The following CTTNBP2 variants were observed in gnomAD, a reference collection of about 807,000 sequenced individuals.
The protein encoded by CTTNBP2 is cortactin-binding protein 2.
CTTNBP2 carries 108 observed loss-of-function variants against 156.9 expected under a neutral mutation model. The observed-to-expected ratio is 0.69, with a 90% CI of 0.59 to 0.81. The LOEUF (loss-of-function observed/expected upper bound fraction) is 0.81. Among genes scored for constraint, CTTNBP2 ranks in the 30% least tolerant of loss-of-function variants. The pLI, the probability that CTTNBP2 is intolerant of heterozygous loss-of-function variation, is 0.00. For synonymous variants in CTTNBP2, 767 were observed against 751.8 expected (o/e 1.02, Z -0.33); for missense variants, 1,924 against 2,035.4 (o/e 0.95, Z 1.05).
chr7:117,766,495 C>T (rs1440890464), intron 9 of CTTNBP2, among the ~76,000 whole-genome samples: 1 of 152,110 alleles, frequency 6.6e-6, no homozygotes, highest in East Asian at 1.9e-4. Flanking sequence ...ATACAGCTGG[C>T]TGACTGGATG....
intron 2 of CTTNBP2, among the ~76,000 whole-genome samples, chr7:117,838,400 A>T (rs1006158385): frequency 6.6e-6 from 1 of 152,160 alleles, no homozygotes; most frequent in Non-Finnish European, 1.5e-5. Flanking sequence ...TGCTAATATC[A>T]TCAAGGAGTC....
At chr7:117,833,907 C>G (rs1801771256) in intron 2 of CTTNBP2, among the ~76,000 whole-genome samples, 2 of 152,032 alleles carry the variant, frequency 1.3e-5, no homozygotes, top group South Asian at 4.1e-4. Flanking sequence ...AATTTCTCAG[C>G]TGAAAGAAAA....
At chr7:117,856,086 G>C (rs901698762) in intron 2 of CTTNBP2, among the ~76,000 whole-genome samples, 1 of 152,148 alleles carries the variant, frequency 6.6e-6, no homozygotes, top group Non-Finnish European at 1.5e-5. Context: ...GGTTGTTAAT[G>C]TTGCCCCAAG....
At chr7:117,780,143 A>T (rs1298113976) in intron 7 of CTTNBP2, among the ~76,000 whole-genome samples, 1 of 152,178 alleles carries the variant, frequency 6.6e-6, no homozygotes, top group African/African-American at 2.4e-5. Context: ...TTGAATGAAT[A>T]AAAAATTATA....
In CTTNBP2 at chr7:117,757,936, C is replaced by G; in HGVS notation, c.3207G>C (p.Ala1069=). 1 of 1,613,372 alleles carries G rather than the reference C, an allele frequency of 6.2e-7. No individual in the cohort carries two copies. The highest frequency in any genetic ancestry group is 8.5e-7 in the Non-Finnish European group (1 of 1,179,684). ...TCCTCATAAAGTCCCACGGGGACTG[C>G]GCGAAGCTCTGACCCACTGACCACG... ...NVPWSVGQSF[A]QSPWDFMRKN... Residue 1069 remains alanine (A), a synonymous_variant, in exon 11 of 23, where the codon GCG becomes GCC. Transcript: ENST00000160373.
At chr7:117,759,315 T>C (rs571100719) in intron 10 of CTTNBP2, among the ~76,000 whole-genome samples, 4 of 152,212 alleles carry the variant, frequency 2.6e-5, no homozygotes, top group African/African-American at 9.6e-5. Flanking sequence ...TCTCAGTATG[T>C]TGCCCATGCT....
At chr7:117,741,300 T>C (rs578177927) in intron 14 of CTTNBP2, among the ~76,000 whole-genome samples, 3 of 152,288 alleles carry the variant, frequency 2.0e-5, no homozygotes, top group African/African-American at 7.2e-5. Context: ...CAGGAAGTGA[T>C]TATGCTCACC....
Position 117,719,624 on chromosome 7 carries a change from A to G in CTTNBP2, c.4524T>C (p.Asn1508=). 3.1e-6 allele frequency: 5 copies of G among 1,613,252 alleles called. No individual in the cohort carries two copies. Among genetic ancestry groups the G allele is most frequent in the Non-Finnish European group, 4.2e-6 (5 of 1,179,678 alleles). The part of the protein sequence containing the change: ...ASLSKQKSLE[N]DLSLTLNLDQ... ...CCAAATTCAACGTCAGTGATAGATC[A>G]TTCTCTAAAGACCTAACACAAAGTT... The change falls in exon 21 of 23, where the codon AAT becomes AAC. Residue 1508 remains asparagine, a synonymous_variant. Coordinates refer to ENST00000160373, the MANE Select transcript of CTTNBP2 (RefSeq NM_033427.3).
At chr7:117,806,256 C>T (rs757405498) in intron 3 of CTTNBP2, among the ~76,000 whole-genome samples, 1 of 152,028 alleles carries the variant, frequency 6.6e-6, no homozygotes, top group Non-Finnish European at 1.5e-5. Context: ...TGAAGAGGCA[C>T]CAAACACATG....
Position 117,711,789 on chromosome 7 carries a change from G to A in CTTNBP2, c.4747-7C>T, listed in dbSNP as rs1794070613. On this transcript the variant is annotated splice_polypyrimidine_tract_variant and splice_region_variant and intron_variant, in intron 22 of 22. Transcript: ENST00000160373. ...TGCTGAGAGGACTGACCTCCTGTAA[G>A]AGACAAGAAACCACACAAGTTTATC... 4 of 1,604,318 alleles carry A rather than the reference G, an allele frequency of 2.5e-6. No individual in the cohort carries two copies. Among genetic ancestry groups the A allele is most frequent in the Non-Finnish European group, 3.4e-6 (4 of 1,174,326 alleles).
At chr7:117,800,631 T>C (rs1350230270) in intron 3 of CTTNBP2, among the ~76,000 whole-genome samples, 2 of 151,962 alleles carry the variant, frequency 1.3e-5, no homozygotes, top group East Asian at 1.9e-4. Flanking sequence ...AATGAGTAAA[T>C]ATACTGAAGT....
chr7:117,744,853 T>C (rs1044507330), intron 14 of CTTNBP2, among the ~76,000 whole-genome samples: 1 of 152,218 alleles, frequency 6.6e-6, no homozygotes, highest in African/African-American at 2.4e-5. Flanking sequence ...GCTGAGATCA[T>C]GCCACTGTTC....
At chr7:117,724,365 TCTC>T (rs1212097570) in intron 19 of CTTNBP2, among the ~76,000 whole-genome samples, 179 bp downstream of exon 19, 7 of 152,300 alleles carry the variant, frequency 4.6e-5, no homozygotes, top group African/African-American at 7.2e-5. Flanking sequence ...CAGGTAGAGA[TCTC>T]CTGTATATTT....
chr7:117,787,714 A>T (rs1050555013), intron 4 of CTTNBP2, among the ~76,000 whole-genome samples: 4 of 152,356 alleles, frequency 2.6e-5, no homozygotes, highest in Admixed American at 2.6e-4. Flanking sequence ...TTATTAAAAA[A>T]TTTAACATTT....
Position 117,739,997 on chromosome 7 carries a change from A to G in CTTNBP2, c.3536-4576T>C, listed in dbSNP as rs899887446. Among the ~76,000 whole-genome samples, 5 of 152,246 alleles carry G rather than the reference A, an allele frequency of 3.3e-5. No individual in the cohort carries two copies. The East Asian group carries it at 9.6e-4, about 29-fold the overall frequency. On this transcript the variant is annotated intron_variant, in intron 14 of 22. Transcript: ENST00000160373. The stretch of plus-strand genomic sequence containing the variant: ...CTGTTTTACTGTTTACAGTCACTGT[A>G]ATTTTAAAAAGTATCATCTTGCTAA...
In CTTNBP2 at chr7:117,715,963, CTGCCAACAGTAAGTACCACTT is replaced by C. The variant is rs1794331849; in HGVS notation, c.4746+2034_4746+2054del. 2.0e-5 allele frequency: 3 copies of C among 152,242 alleles called. No homozygotes were observed. In the South Asian group the frequency reaches 6.2e-4, roughly 32 times the overall value. The allele number at this position is 152,242 out of a possible 1,614,324, so 9.4% of individuals were successfully genotyped here. On this transcript the variant is annotated intron_variant, in intron 22 of 22. Coordinates refer to ENST00000160373, the MANE Select transcript of CTTNBP2 (RefSeq NM_033427.3). ...ATCAGCCAGTCAAGGTTTCAGAAGG[CTGCCAACAGTAAGTACCACTT>C]TGCCCTCTGCTGGCACTTTCTGAGA...
At chr7:117,795,877 C>T (rs1799285551) in intron 3 of CTTNBP2, among the ~76,000 whole-genome samples, 1 of 152,162 alleles carries the variant, frequency 6.6e-6, no homozygotes, top group African/African-American at 2.4e-5. Context: ...TACCTATAAA[C>T]ACATGGCTCT....
chr7:117,763,113 G>A (rs1359201982), intron 9 of CTTNBP2, among the ~76,000 whole-genome samples: 1 of 151,962 alleles, frequency 6.6e-6, no homozygotes, highest in Non-Finnish European at 1.5e-5. Flanking sequence ...ACCTCACAAT[G>A]CCAAAAAATA....
At chr7:117,849,168 C>T (rs1363393114) in intron 2 of CTTNBP2, among the ~76,000 whole-genome samples, 1 of 152,172 alleles carries the variant, frequency 6.6e-6, no homozygotes, top group Admixed American at 6.5e-5. Flanking sequence ...AGCAGAAAGC[C>T]TTTCCAACCC....
Sources: allele counts gnomAD v4.1 joint callset (sites outside exome capture counted in the v4.1 genomes callset), GRCh38; gene constraint gnomAD v4.1.1; transcripts MANE v1.5; gene names NCBI Gene and HGNC (gene_info 2026-07-23, HGNC 2026-07-21).